PANK1: variants seen among roughly 807,000 people sequenced by gnomAD.
PANK1 encodes pantothenate kinase 1, also known as pantothenic acid kinase 1.
A neutral mutation model predicts 40.1 loss-of-function variants in PANK1; 18 were observed. That is an observed-to-expected ratio of 0.45 (90% CI 0.31 to 0.67). The LOEUF (loss-of-function observed/expected upper bound fraction) is 0.67. Among genes scored for constraint, PANK1 ranks in the 30% least tolerant of loss-of-function variants. The pLI, the probability that PANK1 is intolerant of heterozygous loss-of-function variation, is 0.06. For synonymous variants in PANK1, 242 were observed against 237.7 expected (o/e 1.02, Z -0.17); for missense variants, 457 against 599.6 (o/e 0.76, Z 2.48).
At chr10:89,613,045 T>C (rs941730316) in intron 1 of PANK1, among the ~76,000 whole-genome samples, 2 of 152,210 alleles carry the variant, frequency 1.3e-5, no homozygotes, top group Admixed American at 6.5e-5. Flanking sequence ...ATGATTTTTT[T>C]AGTTATATAA....
chr10:89,623,946 G>A (rs540893443), intron 1 of PANK1, among the ~76,000 whole-genome samples: 1 of 152,320 alleles, frequency 6.6e-6, no homozygotes, highest in Non-Finnish European at 1.5e-5. Flanking sequence ...TTGAAAATAC[G>A]CTGAAGAGGA....
intron 1 of PANK1, among the ~76,000 whole-genome samples, chr10:89,620,722 C>CA (rs1264501297): frequency 3.9e-5 from 6 of 152,152 alleles, no homozygotes; most frequent in African/African-American, 1.2e-4. Context: ...TGTTCGTACC[C>CA]CCTTCCCCTT....
chr10:89,631,053 C>T (rs1207429957), intron 1 of PANK1, among the ~76,000 whole-genome samples: 3 of 152,156 alleles, frequency 2.0e-5, no homozygotes, highest in African/African-American at 7.2e-5. Flanking sequence ...CAACACATAT[C>T]CATGAATGAA....
rs891867897 is a variant in PANK1 at position 89,593,390 on chromosome 10, T to C, written c.1077-70A>G. ...CAGGGCCCATCCTTCCACCAAAGTA[T>C]TGTGGAAGGCTCTACGAGTAACTGT... On this transcript the variant is annotated intron_variant, in intron 4 of 6. Coordinates refer to ENST00000307534, the MANE Select transcript of PANK1 (RefSeq NM_148977.3). 30 of 1,544,132 alleles carry C rather than the reference T, an allele frequency of 1.9e-5. No homozygotes were observed. The African/African-American group carries it at 3.0e-4, about 15-fold the overall frequency.
chr10:89,635,127 A>AATATATAT (rs149212463), intron 1 of PANK1, among the ~76,000 whole-genome samples: 14 of 148,420 alleles, frequency 9.4e-5, no homozygotes, highest in Admixed American at 6.7e-4. Flanking sequence ...TCATTTAGCA[A>AATATATAT]ATATATATAT....
In PANK1 at chr10:89,599,778, G is replaced by A. The variant is rs1844720655; in HGVS notation, c.646-273C>T. Among the ~76,000 whole-genome samples the A allele has an allele frequency of 3.3e-5, 5 of 152,274 alleles. No homozygotes were observed. In the South Asian group the frequency reaches 1.0e-3, roughly 32 times the overall value. ...AGCGTGTGTTGTGGGTTGAATGGTGGTCCCTGAAAGATGGCACTATGTCCT... is the reference window on the plus strand; with the variant it reads ...AGCGTGTGTTGTGGGTTGAATGGTGATCCCTGAAAGATGGCACTATGTCCT... On this transcript the variant is annotated intron_variant, in intron 2 of 6. Coordinates refer to ENST00000307534, the MANE Select transcript of PANK1 (RefSeq NM_148977.3).
At chr10:89,615,254 C>T (rs541729843) in intron 1 of PANK1, among the ~76,000 whole-genome samples, 1 of 152,182 alleles carries the variant, frequency 6.6e-6, no homozygotes, top group Admixed American at 6.5e-5. Flanking sequence ...TAGTTCTGTA[C>T]CAGAAATGCA....
At chr10:89,622,925 T>C (rs1335578265) in intron 1 of PANK1, among the ~76,000 whole-genome samples, 1 of 152,010 alleles carries the variant, frequency 6.6e-6, no homozygotes, top group Admixed American at 6.6e-5. Context: ...ATTAAACAAA[T>C]AATCAAATAA....
rs1033319127 is a variant in PANK1 at position 89,601,664 on chromosome 10, G to A, written c.646-2159C>T. ...ATAGGTTACCAACCAGATAGTGGAT[G>A]TATTCTTGATTATTCTTGAAATAAA... is the stretch of plus-strand genomic sequence containing the variant. On this transcript the variant is annotated intron_variant, in intron 2 of 6. Transcript: ENST00000307534. Among the ~76,000 whole-genome samples the A allele has an allele frequency of 4.6e-5, 7 of 152,310 alleles. No homozygotes were observed. In the South Asian group the frequency reaches 1.5e-3, roughly 32 times the overall value.
At position 89,597,421 on chromosome 10, in the gene PANK1, T is replaced by C. The variant is rs561064179; in HGVS notation, c.899+1831A>G. 7.2e-5 allele frequency among the ~76,000 whole-genome samples: 11 copies of C among 152,174 alleles called. No individual in the cohort carries two copies. The East Asian group carries it at 2.1e-3, about 29-fold the overall frequency. On this transcript the variant is annotated intron_variant, in intron 3 of 6. Transcript: ENST00000307534. ...AACCTGCAGGCTTCGGTAGCACCTT[T>C]CCAAAACTACTGATTGAAGAGAGAG...
In PANK1 at chr10:89,586,551, A is replaced by G. The variant is rs146637027; in HGVS notation, c.1327-2086T>C. Among the ~76,000 whole-genome samples, 20 of 152,366 alleles carry G rather than the reference A, an allele frequency of 1.3e-4. No individual in the cohort carries two copies. The East Asian group carries it at 3.9e-3, about 29-fold the overall frequency. ...TACCTGTTTCATATACTTTAATAAA[A>G]CAAAATGCAGGCATAGAGAGTTCTA... On this transcript the variant is annotated intron_variant, in intron 6 of 6. Transcript: ENST00000307534.
chr10:89,591,471 G>A (rs944176309), intron 5 of PANK1, among the ~76,000 whole-genome samples: 9 of 152,208 alleles, frequency 5.9e-5, no homozygotes, highest in Admixed American at 1.3e-4. Flanking sequence ...TTTGGTAAAC[G>A]TGGTGTCCCT....
At chr10:89,641,320 C>T (rs1297702630) in intron 1 of PANK1, among the ~76,000 whole-genome samples, 1 of 152,056 alleles carries the variant, frequency 6.6e-6, no homozygotes, top group Admixed American at 6.6e-5. Context: ...GCTAAACATC[C>T]CAATATTTAG....
rs76046198 is a variant in PANK1 at position 89,631,414 on chromosome 10, G to A, written c.292+13186C>T. 5.5e-3 allele frequency among the ~76,000 whole-genome samples: 840 copies of A among 152,242 alleles called. 34 individuals carry two copies. In the East Asian group the frequency reaches 0.11, roughly 19 times the overall value. ...AGATTGCCTGAAATTACAAATTTTA[G>A]CAACACCCCTTCTTTAAACCCTTGG... is the stretch of plus-strand genomic sequence containing the variant. On this transcript the variant is annotated intron_variant, in intron 1 of 6. Coordinates refer to ENST00000307534, the MANE Select transcript of PANK1 (RefSeq NM_148977.3).
chr10:89,624,173 G>A (rs7905163), intron 1 of PANK1, among the ~76,000 whole-genome samples: 25,643 of 152,112 alleles, frequency 0.17, 2,417 homozygotes, highest in East Asian at 0.45. Flanking sequence ...TATTATCACC[G>A]GAGTCACATA....
chr10:89,585,900 T>A (rs1272530018), intron 6 of PANK1, among the ~76,000 whole-genome samples: 2 of 152,184 alleles, frequency 1.3e-5, no homozygotes, highest in Non-Finnish European at 2.9e-5. Context: ...ATGTAGAGAA[T>A]TTTCTGAGGA....
chr10:89,615,643 T>A (rs1444828028), intron 1 of PANK1, among the ~76,000 whole-genome samples: 1 of 152,210 alleles, frequency 6.6e-6, no homozygotes, highest in Non-Finnish European at 1.5e-5. Flanking sequence ...ACTCAAGTGA[T>A]CCACCCACCT....
chr10:89,616,282 A>C (rs1845311401), intron 1 of PANK1, among the ~76,000 whole-genome samples: 1 of 151,828 alleles, frequency 6.6e-6, no homozygotes, highest in Non-Finnish European at 1.5e-5. Context: ...TTTAAAGAAT[A>C]AAAGGAATTC....
intron 1 of PANK1, chr10:89,643,692 C>T: frequency 6.2e-7 from 1 of 1,608,086 alleles, no homozygotes; most frequent in Non-Finnish European, 8.5e-7. Context: ...ATTTACTGTA[C>T]TTACTTTGCT....
Sources: allele counts gnomAD v4.1 joint callset (sites outside exome capture counted in the v4.1 genomes callset), GRCh38; gene constraint gnomAD v4.1.1; transcripts MANE v1.5; gene names NCBI Gene and HGNC (gene_info 2026-07-23, HGNC 2026-07-21).